Variants in SOS2 observed in about 807,000 individuals in gnomAD.
The protein encoded by SOS2 is SOS Ras/Rho guanine nucleotide exchange factor 2, also known as son of sevenless homolog 2.
A neutral mutation model predicts 148.2 loss-of-function variants in SOS2; 65 were observed. That is an observed-to-expected ratio of 0.44 (90% confidence interval 0.36 to 0.54). The LOEUF (loss-of-function observed/expected upper bound fraction) is 0.54, where lower values mean the gene tolerates loss of function less well. SOS2 is among the 20% of genes least tolerant of loss of function. SOS2 has a pLI of 0.00. For missense variants in SOS2, 1,341 were observed against 1,590.2 expected, an observed-to-expected ratio of 0.84 and a Z score of 2.67; for synonymous variants, 539 against 537.1, an observed-to-expected ratio of 1.00 and a Z score of -0.05.
In SOS2 at chr14:50,145,607, G is replaced by A. The variant is rs2139577790; in HGVS notation, c.2385-11C>T. The A allele has an allele frequency of 6.5e-7, 1 of 1,544,540 alleles. No homozygotes were observed. The highest frequency in any genetic ancestry group is 8.8e-7 in the Non-Finnish European group (1 of 1,136,006). The stretch of plus-strand genomic sequence containing the variant: ...GACGGTTGAACTTTCCTATGGAATT[G>A]AAAATCAGTGCAACTTAACCTATAA... On this transcript the variant is annotated splice_polypyrimidine_tract_variant and intron_variant, in intron 14 of 22. Transcript: ENST00000216373.
chr14:50,126,980 C>G (rs2139498670), intron 21 of SOS2, among the ~76,000 whole-genome samples: 1 of 152,026 alleles, frequency 6.6e-6, no homozygotes, highest in East Asian at 1.9e-4. Flanking sequence ...AAAGAGAATG[C>G]CTTAAAAGTT....
rs140321631 is a variant in SOS2, at chr14:50,191,056, A to G, written c.511-2356T>C. 6.6e-4 allele frequency among the ~76,000 whole-genome samples: 100 copies of G among 152,318 alleles called. 1 individual carries two copies. In the East Asian group the frequency reaches 0.012, roughly 18 times the overall value. On this transcript the variant is annotated intron_variant, in intron 4 of 22. Coordinates refer to ENST00000216373, the MANE Select transcript of SOS2 (RefSeq NM_006939.4). ...ATTCACTTAGCAAGCCCATTACTATATTAAAACTGCTCTCACTATTGATCT... is the reference window on the plus strand; with the variant it reads ...ATTCACTTAGCAAGCCCATTACTATGTTAAAACTGCTCTCACTATTGATCT...
intron 4 of SOS2, among the ~76,000 whole-genome samples, chr14:50,188,986 CCTGGGAGGTCAAGG>C (rs1470132585): frequency 6.7e-6 from 1 of 150,286 alleles, no homozygotes; most frequent in Non-Finnish European, 1.5e-5. Flanking sequence ...ATTGCTTGAG[CCTGGGAGGTCAAGG>C]CTGCAGTTGA....
chr14:50,219,148 G>C (rs1006836583), intron 1 of SOS2, among the ~76,000 whole-genome samples: 1 of 151,544 alleles, frequency 6.6e-6, no homozygotes, highest in South Asian at 2.1e-4. Flanking sequence ...CCTACTATCC[G>C]ATCCAACCAC....
intron 5 of SOS2, among the ~76,000 whole-genome samples, chr14:50,186,236 A>G (rs1885907051): frequency 6.6e-6 from 1 of 152,058 alleles, no homozygotes; most frequent in Admixed American, 6.6e-5. Flanking sequence ...AAAGGGATTC[A>G]CTCTTCCATC....
chr14:50,147,334 C>G (rs1158094463), intron 14 of SOS2, among the ~76,000 whole-genome samples: 1 of 151,760 alleles, frequency 6.6e-6, no homozygotes, highest in Non-Finnish European at 1.5e-5. Context: ...ATAGCAAGAC[C>G]TCATCTCTAT....
intron 12 of SOS2, among the ~76,000 whole-genome samples, chr14:50,153,556 A>G (rs1178162668): frequency 6.6e-6 from 1 of 152,208 alleles, no homozygotes; most frequent in Admixed American, 6.5e-5. Context: ...TTCACTTAAA[A>G]TGGAAAACCA....
intron 1 of SOS2, among the ~76,000 whole-genome samples, chr14:50,216,298 T>C (rs963687214): frequency 2.6e-5 from 4 of 151,922 alleles, no homozygotes; most frequent in Admixed American, 1.3e-4. Context: ...GGTTTCATCA[T>C]GTTGGCCAGG....
Position 50,149,842 on chromosome 14 carries a change from C to T in SOS2, c.2384+166G>A, listed in dbSNP as rs901843335. On this transcript the variant is annotated intron_variant, in intron 14 of 22. Transcript: ENST00000216373. The stretch of plus-strand genomic sequence containing the variant: ...CCCCAGTCTAGACATAAGACTTTTA[C>T]TTGCAGGGCAGACTAGTTAAAAACT... 2.0e-5 allele frequency among the ~76,000 whole-genome samples: 3 copies of T among 152,162 alleles called. No homozygotes were observed. The East Asian group carries it at 5.8e-4, about 29-fold the overall frequency.
chr14:50,165,417 A>G (rs1885134604), intron 8 of SOS2, among the ~76,000 whole-genome samples: 2 of 152,112 alleles, frequency 1.3e-5, no homozygotes, highest in South Asian at 2.1e-4. Context: ...ACACCCGCGC[A>G]CACACTGTTC....
intron 10 of SOS2, among the ~76,000 whole-genome samples, chr14:50,158,994 C>T (rs1356183200): frequency 1.3e-5 from 2 of 151,912 alleles, no homozygotes; most frequent in Non-Finnish European, 2.9e-5. Flanking sequence ...ACCATCCTGG[C>T]TAACACGGTG....
intron 18 of SOS2, among the ~76,000 whole-genome samples, chr14:50,136,601 T>A (rs758391660): frequency 1.7e-4 from 26 of 151,758 alleles, no homozygotes; most frequent in Non-Finnish European, 3.2e-4. Flanking sequence ...CTTTTTTTTT[T>A]TTTTTTGAGA....
Position 50,159,431 on chromosome 14 carries a change from C to T in SOS2, c.1852G>A (p.Asp618Asn). The T allele has an allele frequency of 1.3e-6, 2 of 1,595,128 alleles. No individual in the cohort carries two copies. Among genetic ancestry groups the T allele is most frequent in the East Asian group, 2.2e-5 (1 of 44,654 alleles). Reference sequence around the variant, plus strand: ...AGCAGTTGTAATGAGTTTCACATACCTGCATACATATGATATGTTAACCTT... The same window carrying T: ...AGCAGTTGTAATGAGTTTCACATACTTGCATACATATGATATGTTAACCTT... ...IERLTYHMYA[D>N]PNFVRTFLTT... Residue 618 changes from aspartate to asparagine, a missense_variant and splice_region_variant, in exon 10 of 23, where the codon GAT becomes AAT. This residue lies in a region of SOS2 where 408 missense variants were observed against 506.6 expected (regional missense o/e 0.81). Transcript: ENST00000216373.
In SOS2 at chr14:50,199,676, C is replaced by T. The variant is rs1359205719; in HGVS notation, c.510+15G>A. On this transcript the variant is annotated intron_variant, in intron 4 of 22. Transcript: ENST00000216373. ...TTGCTATTCAAGTTAAATTTAAATA[C>T]CTTGTAACACTTACCTTATCCGCAC... is the stretch of plus-strand genomic sequence containing the variant. 3.9e-6 allele frequency: 6 copies of T among 1,519,504 alleles called. No individual in the cohort carries two copies. In the African/African-American group the frequency reaches 5.6e-5, roughly 14 times the overall value. 94.1% of individuals were successfully genotyped at this position (1,519,504 alleles called of 1,614,324 possible).
chr14:50,209,644 A>G (rs1449046716), intron 1 of SOS2, among the ~76,000 whole-genome samples: 1 of 151,980 alleles, frequency 6.6e-6, no homozygotes, highest in African/African-American at 2.4e-5. Flanking sequence ...CTGTAGTCCC[A>G]GCTACACGGG....
chr14:50,214,119 G>A (rs573178031), intron 1 of SOS2, among the ~76,000 whole-genome samples: 1 of 147,000 alleles, frequency 6.8e-6, no homozygotes, highest in Non-Finnish European at 1.5e-5. Context: ...TTCATAACAA[G>A]CTTTGCAGAG....
At chr14:50,141,072 C>T (rs1884263135) in intron 16 of SOS2, among the ~76,000 whole-genome samples, 1 of 151,390 alleles carries the variant, frequency 6.6e-6, no homozygotes, top group Non-Finnish European at 1.5e-5. Context: ...GGCGTGGTGG[C>T]GGGTGCCTGT....
At chr14:50,192,662 G>C (rs1029122846) in intron 4 of SOS2, among the ~76,000 whole-genome samples, 2 of 150,846 alleles carry the variant, frequency 1.3e-5, no homozygotes, top group East Asian at 3.9e-4. Flanking sequence ...TCAGGAGTTC[G>C]AGACCAGCCT....
chr14:50,149,299 T>C (rs1884588575), intron 14 of SOS2, among the ~76,000 whole-genome samples: 1 of 152,156 alleles, frequency 6.6e-6, no homozygotes, highest in Non-Finnish European at 1.5e-5. Flanking sequence ...ATATACACAG[T>C]GGAACACTAT....
Sources: allele counts gnomAD v4.1 joint callset (sites outside exome capture counted in the v4.1 genomes callset), GRCh38; gene constraint gnomAD v4.1.1; regional missense constraint gnomAD v4.1.1; transcripts MANE v1.5; gene names NCBI Gene and HGNC (gene_info 2026-07-23, HGNC 2026-07-21).